The following ARL15 variants were observed in gnomAD, a reference collection of about 807,000 sequenced individuals.
ARL15 encodes ADP-ribosylation factor-like protein 15.
ARL15 carries 19 observed loss-of-function variants against 25.2 expected under a neutral mutation model. That is an observed-to-expected ratio of 0.75 (90% CI 0.53 to 1.10). The LOEUF is 1.10. Among genes scored for constraint, ARL15 ranks in the 50% least tolerant of loss-of-function variants. The probability of loss-of-function intolerance (pLI) is 0.00; values close to 1 mark genes in which losing one functional copy is unlikely to be tolerated. For synonymous variants in ARL15, 94 were observed against 86.8 expected (o/e 1.08, Z -0.46); for missense variants, 220 against 246.0 (o/e 0.89, Z 0.71).
chr5:54,163,815 G>C (rs941175320), intron 2 of ARL15, among the ~76,000 whole-genome samples: 1 of 151,852 alleles, frequency 6.6e-6, no homozygotes, highest in African/African-American at 2.4e-5. Context: ...AGTTTGGCTA[G>C]AGTTTTACCA....
intron 1 of ARL15, among the ~76,000 whole-genome samples, chr5:54,254,499 G>GA (rs879560699): frequency 1.3e-5 from 2 of 152,154 alleles, no homozygotes; most frequent in Non-Finnish European, 2.9e-5. Context: ...TTTCTTTTAT[G>GA]ACTAATCTTA....
At chr5:54,070,469 A>C (rs1751384635) in intron 4 of ARL15, among the ~76,000 whole-genome samples, 2 of 151,994 alleles carry the variant, frequency 1.3e-5, no homozygotes, top group Non-Finnish European at 2.9e-5. Context: ...GGACTCTGTA[A>C]AGAGTCCCCA....
At chr5:54,054,005 T>C (rs563146994) in intron 4 of ARL15, among the ~76,000 whole-genome samples, 4 of 152,304 alleles carry the variant, frequency 2.6e-5, no homozygotes, top group African/African-American at 9.6e-5. Context: ...AAACACTATG[T>C]ACTATCTTTG....
chr5:54,065,210 A>T (rs1026161850), intron 4 of ARL15, among the ~76,000 whole-genome samples: 2 of 152,256 alleles, frequency 1.3e-5, no homozygotes, highest in African/African-American at 4.8e-5. Flanking sequence ...AATTAAAACT[A>T]ATCTTTAAAG....
intron 4 of ARL15, among the ~76,000 whole-genome samples, chr5:54,076,951 T>C (rs995542305): frequency 1.4e-4 from 22 of 152,304 alleles, no homozygotes; most frequent in African/African-American, 5.3e-4. Flanking sequence ...CTCTTAGCAG[T>C]TGCTGAAGGA....
chr5:53,929,170 CAAA>C lies in ARL15; in HGVS notation c.463-42460_463-42458del, dbSNP rs3990747. Among the ~76,000 whole-genome samples, 579 of 142,166 alleles carry C rather than the reference CAAA, an allele frequency of 4.1e-3. 1 individual carries two copies. Among genetic ancestry groups the C allele is most frequent in the Middle Eastern group, 0.011 (3 of 272 alleles). The allele number at this position is 142,166 out of a possible 152,430, so 93.3% of individuals were successfully genotyped here. Reference sequence around the variant, plus strand: ...AGCATTCCAGATAGAAAATAAGTTCCAAAAAAAAAAAAAAAATACATAAAAGCA... The same window carrying C: ...AGCATTCCAGATAGAAAATAAGTTCCAAAAAAAAAAAAATACATAAAAGCA... On this transcript the variant is annotated intron_variant, in intron 4 of 4. Transcript: ENST00000504924.
intron 4 of ARL15, among the ~76,000 whole-genome samples, chr5:53,909,908 T>C (rs1745398309): frequency 6.6e-6 from 1 of 152,208 alleles, no homozygotes; most frequent in Non-Finnish European, 1.5e-5. Flanking sequence ...ATTCTCCTCA[T>C]ATAATAGTAT....
chr5:53,908,265 T>G (rs547405855), intron 4 of ARL15, among the ~76,000 whole-genome samples: 1 of 152,196 alleles, frequency 6.6e-6, no homozygotes, highest in Non-Finnish European at 1.5e-5. Context: ...ATAGTATCTA[T>G]AGCAGGCCTT....
chr5:54,101,590 AGTT>A, intron 4 of ARL15, among the ~76,000 whole-genome samples: 1 of 152,156 alleles, frequency 6.6e-6, no homozygotes, highest in African/African-American at 2.4e-5. Flanking sequence ...AAACTGTATT[AGTT>A]TAAAAGATTT....
intron 2 of ARL15, among the ~76,000 whole-genome samples, chr5:54,157,628 G>T (rs1754278838): frequency 6.6e-6 from 1 of 152,014 alleles, no homozygotes; most frequent in Non-Finnish European, 1.5e-5. Context: ...AGCCAGCATG[G>T]TCTCGATCTC....
At chr5:54,129,916 G>A (rs912574888) in intron 3 of ARL15, among the ~76,000 whole-genome samples, 1 of 152,168 alleles carries the variant, frequency 6.6e-6, no homozygotes, top group Non-Finnish European at 1.5e-5. Context: ...CAATTGTAAA[G>A]TTTATAGCCC....
chr5:54,201,544 C>A (rs1204062542), intron 1 of ARL15, among the ~76,000 whole-genome samples: 1 of 152,088 alleles, frequency 6.6e-6, no homozygotes. Flanking sequence ...TCTGATCACC[C>A]CAGCCAGTCT....
intron 1 of ARL15, among the ~76,000 whole-genome samples, chr5:54,251,837 T>C (rs1436793748): frequency 6.6e-6 from 1 of 152,082 alleles, no homozygotes; most frequent in African/African-American, 2.4e-5. Context: ...TGGAGGACAT[T>C]AAAAAATCCC....
chr5:54,104,822 G>A (rs934965970), intron 4 of ARL15, among the ~76,000 whole-genome samples: 5 of 152,088 alleles, frequency 3.3e-5, no homozygotes, highest in African/African-American at 1.2e-4. Flanking sequence ...GAGTGACAAT[G>A]CTTCTGCATT....
chr5:54,300,033 TTCTTCAGGGTTACAGA>T (rs1673924993), intron 1 of ARL15, among the ~76,000 whole-genome samples: 1 of 152,164 alleles, frequency 6.6e-6, no homozygotes, highest in African/African-American at 2.4e-5. Flanking sequence ...AACCTGCTAT[TTCTTCAGGGTTACAGA>T]TCATAGTGCA....
intron 1 of ARL15, among the ~76,000 whole-genome samples, chr5:54,185,537 A>C (rs979431322): frequency 1.3e-5 from 2 of 152,204 alleles, no homozygotes; most frequent in African/African-American, 2.4e-5. Flanking sequence ...GTGTCTGACC[A>C]AGCCACATGG....
chr5:54,097,564 T>A (rs1445689384), intron 4 of ARL15, among the ~76,000 whole-genome samples: 1 of 152,190 alleles, frequency 6.6e-6, no homozygotes, highest in East Asian at 1.9e-4. Flanking sequence ...TAAAATAGTT[T>A]GTAGTATATA....
intron 1 of ARL15, among the ~76,000 whole-genome samples, chr5:54,185,751 GTTA>G (rs1348138776): frequency 6.6e-6 from 1 of 152,152 alleles, no homozygotes; most frequent in African/African-American, 2.4e-5. Context: ...ATCAATAGGT[GTTA>G]TTATCATCAT....
In ARL15 at chr5:54,212,264, T is replaced by A. The variant is rs145373504; in HGVS notation, c.49-40336A>T. Among the ~76,000 whole-genome samples, 14 of 152,294 alleles carry A rather than the reference T, an allele frequency of 9.2e-5. No homozygotes were observed. In the East Asian group the frequency reaches 2.5e-3, roughly 27 times the overall value. ...AATCCCTGGTTTAAACAAATGAGAC[T>A]TAATTAAAAAGAAGCTGGCCTTTTT... is the stretch of plus-strand genomic sequence containing the variant. On this transcript the variant is annotated intron_variant, in intron 1 of 4. Transcript: ENST00000504924.
Sources: allele counts gnomAD v4.1 joint callset (sites outside exome capture counted in the v4.1 genomes callset), GRCh38; gene constraint gnomAD v4.1.1; transcripts MANE v1.5; gene names NCBI Gene and HGNC (gene_info 2026-07-23, HGNC 2026-07-21).